PLPPR5: variants seen among roughly 807,000 people sequenced by gnomAD.
The protein encoded by PLPPR5 is phospholipid phosphatase related 5.
In PLPPR5, 16 loss-of-function variants were observed where a neutral mutation model predicts 33.9. The ratio of observed to expected loss-of-function variants is 0.47; its 90% confidence interval spans 0.32 to 0.72. The LOEUF is 0.72. Ranked by LOEUF, PLPPR5 falls within the 30% of genes least tolerant of loss-of-function variation. The pLI, the probability that PLPPR5 is intolerant of heterozygous loss-of-function variation, is 0.03. For synonymous variants in PLPPR5, 163 were observed against 150.3 expected (o/e 1.08, Z -0.62); for missense variants, 301 against 406.7 (o/e 0.74, Z 2.23).
chr1:98,893,056 A>G lies in PLPPR5; in HGVS notation c.*16T>C, dbSNP rs1648334125. The G allele has an allele frequency of 1.2e-6, 2 of 1,610,558 alleles. No homozygotes were observed. Among genetic ancestry groups the G allele is most frequent in the Non-Finnish European group, 1.7e-6 (2 of 1,177,986 alleles). ...GGGATGATGTCCAATGCAGTGAAAA[A>G]CCATCTGCTTCGATATCATGTGACT... On this transcript the variant is annotated 3_prime_UTR_variant, in exon 6 of 6. Coordinates refer to ENST00000263177, the MANE Select transcript of PLPPR5 (RefSeq NM_001037317.2).
At chr1:98,907,181 T>C (rs189474910) in intron 5 of PLPPR5, among the ~76,000 whole-genome samples, 80 of 151,520 alleles carry the variant, frequency 5.3e-4, no homozygotes, top group Non-Finnish European at 1.0e-3. Context: ...CTAAAATAAA[T>C]TTAATTGTAT....
At chr1:99,003,089 ATATATATG>A (rs1557700141) in intron 1 of PLPPR5, among the ~76,000 whole-genome samples, 1 of 135,990 alleles carries the variant, frequency 7.4e-6, no homozygotes. Context: ...ATATATATAT[ATATATATG>A]TAAAACATTA....
chr1:98,921,394 G>A (rs547865980), intron 4 of PLPPR5, among the ~76,000 whole-genome samples: 5 of 152,272 alleles, frequency 3.3e-5, no homozygotes, highest in Non-Finnish European at 7.4e-5. Flanking sequence ...GAGGCTCAGG[G>A]AGAGTACAGC....
rs1648326576 is a variant in PLPPR5 at position 98,892,881 on chromosome 1, A to C, written c.*191T>G. The C allele has an allele frequency of 5.2e-6, 3 of 574,520 alleles. No individual in the cohort carries two copies. The highest frequency in any genetic ancestry group is 9.0e-6 in the Non-Finnish European group (3 of 333,642). The allele number at this position is 574,520 out of a possible 1,614,324, so 35.6% of individuals were successfully genotyped here. A position where few individuals can be genotyped will look rare whatever the true frequency, so the allele number is the denominator to read the frequency against. On this transcript the variant is annotated 3_prime_UTR_variant, in exon 6 of 6. Transcript: ENST00000263177. ...GTAAGTGCTGGGGACACAGAAAAAA[A>C]AAGACAATCCTGCCCTCGAGGAGCT... is the stretch of plus-strand genomic sequence containing the variant.
At position 98,958,172 on chromosome 1, in the gene PLPPR5, A is replaced by G. The variant is rs75656956; in HGVS notation, c.238-1431T>C. Among the ~76,000 whole-genome samples the G allele has an allele frequency of 5.9e-3, 902 of 152,364 alleles. 3 individuals carry two copies. Among genetic ancestry groups the G allele is most frequent in the Non-Finnish European group, 9.3e-3 (635 of 68,028 alleles). ...CTTTTATTATGTCTTGTCAAGCTTA[A>G]TTAACATGCTATACAGGGAGTCCCT... On this transcript the variant is annotated intron_variant, in intron 1 of 5. Transcript: ENST00000263177.
rs560005561 is a variant in PLPPR5, at chr1:98,915,466, A to T, written c.799-546T>A. ...AATCCAACAATAGCTTACTGGGGCT[A>T]CCACTGAAATAGAAAACCCTCCGCA... On this transcript the variant is annotated intron_variant, in intron 4 of 5. Coordinates refer to ENST00000263177, the MANE Select transcript of PLPPR5 (RefSeq NM_001037317.2). Among the ~76,000 whole-genome samples the T allele has an allele frequency of 2.0e-5, 3 of 152,260 alleles. No homozygotes were observed. The East Asian group carries it at 5.8e-4, about 29-fold the overall frequency.
chr1:98,985,288 C>T (rs1318087011), intron 1 of PLPPR5, among the ~76,000 whole-genome samples: 1 of 152,002 alleles, frequency 6.6e-6, no homozygotes, highest in Non-Finnish European at 1.5e-5. Flanking sequence ...TCAGAAAGCT[C>T]CACCTTGCAT....
chr1:98,953,809 A>G (rs1359896277), intron 2 of PLPPR5, among the ~76,000 whole-genome samples: 2 of 152,204 alleles, frequency 1.3e-5, no homozygotes, highest in African/African-American at 4.8e-5. Context: ...GGAGGTGCCA[A>G]TTAGCAGTAA....
rs114824577 is a variant in PLPPR5, at chr1:98,994,818, G to A, written c.237+9617C>T. 2.3e-3 allele frequency among the ~76,000 whole-genome samples: 355 copies of A among 152,044 alleles called. 1 individual carries two copies. The highest frequency in any genetic ancestry group is 8.1e-3 in the African/African-American group (336 of 41,514). On this transcript the variant is annotated intron_variant, in intron 1 of 5. Transcript: ENST00000263177. ...ATTGATGAAAGTAATGACTGAATTC[G>A]CATGATGAATGCTAAAGATGAACTC...
At chr1:98,937,648 C>A (rs2101186624) in intron 3 of PLPPR5, among the ~76,000 whole-genome samples, 1 of 152,286 alleles carries the variant, frequency 6.6e-6, no homozygotes. Flanking sequence ...CTTTGGATAA[C>A]TGCATGTCCT....
chr1:98,897,728 G>A (rs549965522), intron 5 of PLPPR5, among the ~76,000 whole-genome samples: 28 of 152,126 alleles, frequency 1.8e-4, no homozygotes, highest in Non-Finnish European at 3.5e-4. Flanking sequence ...AATGTCAAGT[G>A]TTTAAATGTG....
chr1:98,969,538 T>A (rs908642328), intron 1 of PLPPR5, among the ~76,000 whole-genome samples: 1 of 152,004 alleles, frequency 6.6e-6, no homozygotes, highest in Non-Finnish European at 1.5e-5. Context: ...TTACCTGACC[T>A]TTTGGATCTA....
chr1:98,984,650 GA>G (rs1236241159), intron 1 of PLPPR5, among the ~76,000 whole-genome samples: 1 of 151,964 alleles, frequency 6.6e-6, no homozygotes, highest in African/African-American at 2.4e-5. Flanking sequence ...TTGCAAAGGT[GA>G]ATAAAAATCT....
chr1:98,926,769 T>C (rs1438143908), intron 3 of PLPPR5, among the ~76,000 whole-genome samples: 1 of 152,224 alleles, frequency 6.6e-6, no homozygotes, highest in African/African-American at 2.4e-5. Context: ...CAAGACAGCA[T>C]CAAGGACAGA....
At chr1:98,928,371 T>C (rs1649838785) in intron 3 of PLPPR5, among the ~76,000 whole-genome samples, 1 of 151,826 alleles carries the variant, frequency 6.6e-6, no homozygotes, top group African/African-American at 2.4e-5. Context: ...ATTTTGCAAG[T>C]GTCAAACATA....
intron 2 of PLPPR5, among the ~76,000 whole-genome samples, chr1:98,954,087 T>A (rs1045901198): frequency 6.6e-6 from 1 of 152,226 alleles, no homozygotes; most frequent in Admixed American, 6.5e-5. Context: ...GGTATAGAAC[T>A]AAGTGTGTAG....
Position 98,940,650 on chromosome 1 carries a change from G to A in PLPPR5, c.621+12420C>T, listed in dbSNP as rs1000398700. ...GGTGTTACTCCAGTGGCAAAGTGCA[G>A]AATGGACAAGGATGAGAAAAGAATT... is the stretch of plus-strand genomic sequence containing the variant. On this transcript the variant is annotated intron_variant, in intron 3 of 5. Coordinates refer to ENST00000263177, the MANE Select transcript of PLPPR5 (RefSeq NM_001037317.2). Among the ~76,000 whole-genome samples, 65 of 151,900 alleles carry A rather than the reference G, an allele frequency of 4.3e-4. 1 individual carries two copies. Among genetic ancestry groups the A allele is most frequent in the Non-Finnish European group, 2.6e-4 (18 of 67,958 alleles).
intron 3 of PLPPR5, among the ~76,000 whole-genome samples, chr1:98,932,838 G>A (rs1274630408): frequency 6.6e-6 from 1 of 152,098 alleles, no homozygotes; most frequent in Non-Finnish European, 1.5e-5. Context: ...ATGTTAGGTG[G>A]GTGATGACTT....
intron 4 of PLPPR5, among the ~76,000 whole-genome samples, chr1:98,919,181 C>G (rs1056415514): frequency 2.0e-5 from 3 of 152,070 alleles, no homozygotes; most frequent in African/African-American, 7.2e-5. Context: ...TAGTAAGAAG[C>G]AATAATGTCT....
Sources: allele counts gnomAD v4.1 joint callset (sites outside exome capture counted in the v4.1 genomes callset), GRCh38; gene constraint gnomAD v4.1.1; transcripts MANE v1.5; gene names NCBI Gene and HGNC (gene_info 2026-07-23, HGNC 2026-07-21).